Variants in RSU1 observed in about 807,000 individuals in gnomAD.
The protein encoded by RSU1 is Ras suppressor protein 1.
Under a neutral mutation model 31.1 loss-of-function variants are expected in RSU1, and 26 were observed. That is an observed-to-expected ratio of 0.84 (90% CI 0.61 to 1.16). The LOEUF (loss-of-function observed/expected upper bound fraction) is 1.16, where lower values mean the gene tolerates loss of function less well. Ranked by LOEUF, RSU1 falls within the 50% of genes most tolerant of loss-of-function variation. The pLI, the probability that RSU1 is intolerant of heterozygous loss-of-function variation, is 0.00. For synonymous variants in RSU1, 164 were observed against 136.3 expected (o/e 1.20, Z -1.41); for missense variants, 320 against 339.1 (o/e 0.94, Z 0.44).
chr10:16,789,875 T>C (rs915207891), intron 2 of RSU1, among the ~76,000 whole-genome samples: 10 of 152,226 alleles, frequency 6.6e-5, no homozygotes, highest in African/African-American at 2.4e-4. Flanking sequence ...GTAGAATACA[T>C]TTCAAAATTC....
chr10:16,779,572 C>T (rs535871830), intron 3 of RSU1, among the ~76,000 whole-genome samples: 57 of 152,004 alleles, frequency 3.7e-4, no homozygotes, highest in Admixed American at 3.5e-3. Context: ...GTGTAATTGG[C>T]ATACTAAGAG....
At chr10:16,617,802 C>A (rs1257559158) in intron 8 of RSU1, among the ~76,000 whole-genome samples, 1 of 152,124 alleles carries the variant, frequency 6.6e-6, no homozygotes, top group African/African-American at 2.4e-5. Flanking sequence ...GAAACCAGAC[C>A]CCTTCCTTAC....
intron 2 of RSU1, among the ~76,000 whole-genome samples, chr10:16,799,922 C>T (rs1180704342): frequency 3.3e-5 from 5 of 152,248 alleles, no homozygotes; most frequent in South Asian, 2.1e-4. Context: ...GATCTAAGCA[C>T]AGGATTACAG....
intron 8 of RSU1, among the ~76,000 whole-genome samples, chr10:16,675,991 T>C (rs1023253183): frequency 6.6e-6 from 1 of 152,196 alleles, no homozygotes; most frequent in African/African-American, 2.4e-5. Context: ...GAAAGCTTGG[T>C]AAAGACTGTC....
At chr10:16,615,222 G>A (rs971943134) in intron 8 of RSU1, among the ~76,000 whole-genome samples, 1 of 151,872 alleles carries the variant, frequency 6.6e-6, no homozygotes, top group African/African-American at 2.4e-5. Context: ...AAAAAAAGCA[G>A]GGGTTGCAAT....
intron 8 of RSU1, among the ~76,000 whole-genome samples, chr10:16,676,043 A>G (rs1341008651): frequency 1.3e-5 from 2 of 152,256 alleles, no homozygotes; most frequent in African/African-American, 4.8e-5. Context: ...TGATGAGCCA[A>G]GAAAAGCCAG....
chr10:16,806,792 C>T (rs1315077956), intron 2 of RSU1, among the ~76,000 whole-genome samples: 1 of 152,164 alleles, frequency 6.6e-6, no homozygotes, highest in African/African-American at 2.4e-5. Context: ...TCACTCTTGT[C>T]GCCCAGGCTG....
intron 7 of RSU1, among the ~76,000 whole-genome samples, chr10:16,707,449 T>A (rs990439711): frequency 6.6e-6 from 1 of 152,184 alleles, no homozygotes; most frequent in Non-Finnish European, 1.5e-5. Context: ...TTATCGTGGT[T>A]CTGATTTGCA....
At chr10:16,612,390 CCAAAGA>C (rs1833906363) in intron 8 of RSU1, among the ~76,000 whole-genome samples, 1 of 152,160 alleles carries the variant, frequency 6.6e-6, no homozygotes, top group Admixed American at 6.5e-5. Flanking sequence ...CCAGTCATTG[CCAAAGA>C]CAATCACCAA....
intron 8 of RSU1, among the ~76,000 whole-genome samples, chr10:16,656,375 T>C (rs1042625836): frequency 6.6e-6 from 1 of 152,214 alleles, no homozygotes; most frequent in African/African-American, 2.4e-5. Flanking sequence ...TATTGTTGCA[T>C]TGTTATTTAC....
chr10:16,739,115 T>C (rs12769240), intron 7 of RSU1, among the ~76,000 whole-genome samples: 40,668 of 152,060 alleles, frequency 0.27, 6,472 homozygotes, highest in African/African-American at 0.45. Flanking sequence ...CTATCATTGA[T>C]GGGCATTTGG....
intron 7 of RSU1, among the ~76,000 whole-genome samples, chr10:16,704,519 C>A (rs573872444): frequency 9.2e-5 from 14 of 152,298 alleles, no homozygotes; most frequent in African/African-American, 3.4e-4. Context: ...AGATTTTCTC[C>A]CTCCTTTCAA....
At chr10:16,640,406 G>A (rs1297543067) in intron 8 of RSU1, among the ~76,000 whole-genome samples, 2 of 152,114 alleles carry the variant, frequency 1.3e-5, no homozygotes, top group Non-Finnish European at 2.9e-5. Context: ...AAATAGCCTA[G>A]CAACCGGCCT....
At position 16,647,262 on chromosome 10, in the gene RSU1, G is replaced by A. The variant is rs545595892; in HGVS notation, c.731+47761C>T. On this transcript the variant is annotated intron_variant, in intron 8 of 8. Transcript: ENST00000345264. ...GTTGGGATTACTGGTGTGAGCCACC[G>A]CGCCCAGCCCGTACTGGAACTTTCA... 1.4e-4 allele frequency among the ~76,000 whole-genome samples: 21 copies of A among 152,298 alleles called. No individual in the cohort carries two copies. In the South Asian group the frequency reaches 2.9e-3, roughly 21 times the overall value.
At chr10:16,661,343 G>A (rs1305631775) in intron 8 of RSU1, among the ~76,000 whole-genome samples, 1 of 145,534 alleles carries the variant, frequency 6.9e-6, no homozygotes, top group Non-Finnish European at 1.5e-5. Context: ...TATTTATGAT[G>A]ACTTCATATC....
chr10:16,682,250 G>C (rs1324667058), intron 8 of RSU1, among the ~76,000 whole-genome samples: 1 of 152,104 alleles, frequency 6.6e-6, no homozygotes, highest in South Asian at 2.1e-4. Flanking sequence ...TCTTGAGTGA[G>C]GGCTAGGAAA....
intron 2 of RSU1, among the ~76,000 whole-genome samples, chr10:16,790,098 T>G (rs1305669236): frequency 6.6e-6 from 1 of 152,178 alleles, no homozygotes; most frequent in East Asian, 1.9e-4. Context: ...ATTTATGATT[T>G]TTTTATTCTT....
intron 8 of RSU1, among the ~76,000 whole-genome samples, chr10:16,621,141 T>A (rs1050625839): frequency 1.3e-5 from 2 of 152,166 alleles, no homozygotes; most frequent in African/African-American, 4.8e-5. Flanking sequence ...CAGGGGATAT[T>A]TGGCAATGTC....
chr10:16,755,388 G>T (rs1262359651), intron 4 of RSU1, among the ~76,000 whole-genome samples: 2 of 151,000 alleles, frequency 1.3e-5, no homozygotes, highest in African/African-American at 4.9e-5. Flanking sequence ...CTCCCAGAAT[G>T]CTGGGATTAC....
Sources: allele counts gnomAD v4.1 joint callset (sites outside exome capture counted in the v4.1 genomes callset), GRCh38; gene constraint gnomAD v4.1.1; transcripts MANE v1.5; gene names NCBI Gene and HGNC (gene_info 2026-07-23, HGNC 2026-07-21).